Variants in RASGRF1 observed in about 807,000 individuals in gnomAD.
RASGRF1 encodes the protein Ras protein specific guanine nucleotide releasing factor 1.
In RASGRF1, 40 loss-of-function variants were observed where a neutral mutation model predicts 138.7. The ratio of observed to expected loss-of-function variants is 0.29; its 90% CI spans 0.22 to 0.38. The LOEUF (loss-of-function observed/expected upper bound fraction) is 0.38. Ranked by LOEUF, RASGRF1 falls within the 10% of genes least tolerant of loss-of-function variation. The pLI is 1.00. For synonymous variants in RASGRF1, 614 were observed against 663.2 expected (o/e 0.93, Z 1.14); for missense variants, 1,108 against 1,650.4 (o/e 0.67, Z 5.69).
chr15:79,053,572 T>C (rs2057462025), intron 3 of RASGRF1, among the ~76,000 whole-genome samples: 1 of 152,222 alleles, frequency 6.6e-6, no homozygotes. Context: ...GGTTCCTTCA[T>C]GGGGCTTTCT....
intron 8 of RASGRF1, among the ~76,000 whole-genome samples, chr15:79,028,504 A>G (rs1476264731): frequency 3.9e-5 from 6 of 151,926 alleles, no homozygotes; most frequent in African/African-American, 9.7e-5. Flanking sequence ...CAACTCCCCT[A>G]TTTCGCTCTC....
At chr15:78,967,311 C>T (rs1210761878) in intron 26 of RASGRF1, among the ~76,000 whole-genome samples, 3 of 151,744 alleles carry the variant, frequency 2.0e-5, no homozygotes, top group Non-Finnish European at 4.4e-5. Context: ...TTTGGGAGGC[C>T]GAGGCAGGCA....
intron 5 of RASGRF1, among the ~76,000 whole-genome samples, chr15:79,036,562 C>T (rs1028957805): frequency 6.6e-6 from 1 of 152,168 alleles, no homozygotes; most frequent in African/African-American, 2.4e-5. Flanking sequence ...ACAATGAGAG[C>T]CAAGGGTGGA....
At chr15:78,980,835 G>A (rs923663454) in intron 23 of RASGRF1, 136 bp from the exon 24 acceptor site, 3 of 572,622 alleles carry the variant, frequency 5.2e-6, no homozygotes, top group Middle Eastern at 4.5e-4. Flanking sequence ...GGGGCCTCCT[G>A]TGTTTGGGCA....
chr15:79,023,670 C>A (rs968595599), intron 10 of RASGRF1, among the ~76,000 whole-genome samples: 1 of 152,146 alleles, frequency 6.6e-6, no homozygotes, highest in South Asian at 2.1e-4. Flanking sequence ...TTCCCTCCCC[C>A]TTTAGGGATG....
chr15:78,995,401 G>A (rs527285963), intron 20 of RASGRF1, among the ~76,000 whole-genome samples: 11 of 123,312 alleles, frequency 8.9e-5, no homozygotes, highest in African/African-American at 1.2e-4. Context: ...TGATTCTCCC[G>A]CCTCAGTCTC....
chr15:79,016,920 C>G (rs2056886871), intron 12 of RASGRF1, among the ~76,000 whole-genome samples: 1 of 152,186 alleles, frequency 6.6e-6, no homozygotes. Context: ...CATGGGGGGC[C>G]ACCAACCTCC....
At chr15:79,058,564 C>T in intron 2 of RASGRF1, 83 bp from the exon 3 acceptor site, 2 of 1,535,276 alleles carry the variant, frequency 1.3e-6, no homozygotes, top group Non-Finnish European at 1.8e-6. Context: ...GGGAGAGGGG[C>T]TCACCCACCC....
intron 1 of RASGRF1, among the ~76,000 whole-genome samples, chr15:79,068,159 G>A (rs1199989305): frequency 1.3e-5 from 2 of 152,188 alleles, no homozygotes; most frequent in African/African-American, 4.8e-5. Flanking sequence ...TTCACAGAGG[G>A]GGCTGAGGCT....
intron 10 of RASGRF1, among the ~76,000 whole-genome samples, 174 bp downstream of exon 10, chr15:79,025,140 G>A (rs2057028199): frequency 1.3e-5 from 2 of 152,176 alleles, no homozygotes; most frequent in South Asian, 4.1e-4. Flanking sequence ...AATCGGTCAA[G>A]TTCTGCTCTC....
rs1360691099 is a variant in RASGRF1, at chr15:79,006,621, T to G, written c.1827-187A>C. Among the ~76,000 whole-genome samples, 1 of 152,124 alleles carries G rather than the reference T, an allele frequency of 6.6e-6. No individual in the cohort carries two copies. The highest frequency in any genetic ancestry group is 6.5e-5 in the Admixed American group (1 of 15,272). On this transcript the variant is annotated intron_variant, in intron 13 of 26. Transcript: ENST00000558480. This position sits in a 1 kb window ranked among gnomAD's most constrained non-coding sequence, Gnocchi z 4.0. ...TTCTTTTTCCCAATATCCTAAAAAC[T>G]CTCCATTATAAAACCCCTAGAAATA...
rs1286448813 is a variant in RASGRF1 at position 79,073,731 on chromosome 15, T to C, written c.277-9205A>G. Reference sequence around the variant, plus strand: ...TCTCAGTTACGTGTGCTGGGAATGCTGCCTGTACTGTGGTTCTTGTTCTTC... The same window carrying C: ...TCTCAGTTACGTGTGCTGGGAATGCCGCCTGTACTGTGGTTCTTGTTCTTC... On this transcript the variant is annotated intron_variant, in intron 1 of 26. Transcript: ENST00000558480. This position sits in a 1 kb window ranked among gnomAD's most constrained non-coding sequence, Gnocchi z 4.2. 6.6e-6 allele frequency among the ~76,000 whole-genome samples: 1 copy of C among 152,222 alleles called. No individual in the cohort carries two copies. The highest frequency in any genetic ancestry group is 6.5e-5 in the Admixed American group (1 of 15,280).
Position 79,020,092 on chromosome 15 carries a change from A to G in RASGRF1, c.1555T>C (p.Ser519Pro). ...TCCAATAAAGTGCAGTCAATGAGGGATATGACTCCATTCTGAAAAAGAGCA... is the reference window on the plus strand; with the variant it reads ...TCCAATAAAGTGCAGTCAATGAGGGGTATGACTCCATTCTGAAAAAGAGCA... ...KLHLTKNGVI[S>P]LIDCTLLEEP... is the part of the protein sequence containing the mutation. Residue 519 changes from serine to proline, a missense_variant, in exon 11 of 27, where the codon TCC (serine) becomes CCC (proline). Transcript: ENST00000558480. The G allele has an allele frequency of 6.2e-7, 1 of 1,614,002 alleles. No homozygotes were observed. The highest frequency in any genetic ancestry group is 2.2e-5 in the East Asian group (1 of 44,888).
At chr15:79,031,988 G>A (rs2057145930) in intron 7 of RASGRF1, 135 bp downstream of exon 7, 4 of 1,092,074 alleles carry the variant, frequency 3.7e-6, no homozygotes, top group Non-Finnish European at 5.1e-6. Context: ...GTCGGCTGCT[G>A]GCCCTGACCA....
intron 14 of RASGRF1, 75 bp from the exon 15 acceptor site, chr15:79,004,250 G>T: frequency 6.7e-7 from 1 of 1,482,714 alleles, no homozygotes; most frequent in Non-Finnish European, 8.9e-7. Context: ...GGCCGTCTCC[G>T]GTGGGGCTCG....
At chr15:79,082,566 A>G (rs1337545619) in intron 1 of RASGRF1, among the ~76,000 whole-genome samples, 1 of 152,234 alleles carries the variant, frequency 6.6e-6, no homozygotes, top group Non-Finnish European at 1.5e-5. Flanking sequence ...CCTGACCGAC[A>G]CACCAGTTAG....
chr15:78,978,927 C>A, intron 24 of RASGRF1: 2 of 1,274,652 alleles, frequency 1.6e-6, no homozygotes, highest in Non-Finnish European at 2.0e-6. Context: ...GAGACACTTA[C>A]ACGGGCCCAC....
intron 15 of RASGRF1, among the ~76,000 whole-genome samples, chr15:79,003,053 G>T (rs918141143): frequency 2.6e-5 from 4 of 152,330 alleles, no homozygotes; most frequent in Admixed American, 2.6e-4. Context: ...ACAGTCAGGA[G>T]AAACCCTGAG....
chr15:79,008,343 A>G (rs776939355), intron 13 of RASGRF1, among the ~76,000 whole-genome samples: 8 of 152,228 alleles, frequency 5.3e-5, no homozygotes, highest in Non-Finnish European at 1.5e-5. Flanking sequence ...TGAGAACAAT[A>G]TGGGAAAAGC....
Sources: allele counts gnomAD v4.1 joint callset (sites outside exome capture counted in the v4.1 genomes callset), GRCh38; gene constraint gnomAD v4.1.1; non-coding constraint Gnocchi (gnomAD v3.1); transcripts MANE v1.5; gene names NCBI Gene and HGNC (gene_info 2026-07-23, HGNC 2026-07-21).